Variants in DOK6 observed in about 807,000 individuals in gnomAD.
DOK6 encodes docking protein 6, also known as downstream of tyrosine kinase 6.
DOK6 carries 22 observed loss-of-function variants against 44.0 expected under a neutral mutation model. The observed-to-expected ratio is 0.50, with a 90% confidence interval of 0.36 to 0.71. DOK6 has a LOEUF of 0.71. Among genes scored for constraint, DOK6 ranks in the 30% least tolerant of loss-of-function variants. The pLI, the probability that DOK6 is intolerant of heterozygous loss-of-function variation, is 0.00. For missense variants in DOK6, 340 were observed against 416.4 expected (o/e 0.82, Z 1.60); for synonymous variants, 166 against 145.5 (o/e 1.14, Z -1.01).
chr18:69,699,351 T>C (rs1986460532), intron 5 of DOK6, among the ~76,000 whole-genome samples: 1 of 152,232 alleles, frequency 6.6e-6, no homozygotes, highest in South Asian at 2.1e-4. Context: ...GCATTTGATA[T>C]AATATTTTTA....
At chr18:69,603,640 G>A (rs1599216390) in intron 3 of DOK6, among the ~76,000 whole-genome samples, 1 of 151,962 alleles carries the variant, frequency 6.6e-6, no homozygotes, top group Non-Finnish European at 1.5e-5. Flanking sequence ...GTGTGGTGGC[G>A]GGCGCCTGTA....
intron 1 of DOK6, among the ~76,000 whole-genome samples, chr18:69,464,377 C>T (rs2122478916): frequency 6.6e-6 from 1 of 152,284 alleles, no homozygotes; most frequent in South Asian, 2.1e-4. Flanking sequence ...TATTAGGGTC[C>T]ACTTTCCTCT....
At chr18:69,673,133 G>A (rs1273474684) in intron 3 of DOK6, among the ~76,000 whole-genome samples, 1 of 152,048 alleles carries the variant, frequency 6.6e-6, no homozygotes, top group Non-Finnish European at 1.5e-5. Flanking sequence ...ACACAAAAAA[G>A]TCTTACTTGC....
At chr18:69,684,791 GA>G (rs1043950450) in intron 4 of DOK6, among the ~76,000 whole-genome samples, 6 of 152,154 alleles carry the variant, frequency 3.9e-5, no homozygotes, top group African/African-American at 1.4e-4. Flanking sequence ...TTGGAAGCCA[GA>G]GAGATTTAAG....
At chr18:69,421,979 C>T (rs998142056) in intron 1 of DOK6, among the ~76,000 whole-genome samples, 1 of 152,194 alleles carries the variant, frequency 6.6e-6, no homozygotes, top group Non-Finnish European at 1.5e-5. Context: ...CTTCCAGTTT[C>T]CCTTAAGTTT....
In DOK6 at chr18:69,652,584, G is replaced by A. The variant is rs185272381; in HGVS notation, c.290-25150G>A. 1.4e-3 allele frequency among the ~76,000 whole-genome samples: 219 copies of A among 152,222 alleles called. 2 individuals carry two copies. Among genetic ancestry groups the A allele is most frequent in the African/African-American group, 4.6e-3 (192 of 41,540 alleles). ...AACTCTAGAGATCCACCCACCACACGCCTCTAAGCTGCTTTTAAGCTGATT... is the reference window on the plus strand; with the variant it reads ...AACTCTAGAGATCCACCCACCACACACCTCTAAGCTGCTTTTAAGCTGATT... On this transcript the variant is annotated intron_variant, in intron 3 of 7. Coordinates refer to ENST00000382713, the MANE Select transcript of DOK6 (RefSeq NM_152721.6).
intron 5 of DOK6, among the ~76,000 whole-genome samples, chr18:69,726,042 G>T (rs1012173592): frequency 6.6e-6 from 1 of 152,172 alleles, no homozygotes; most frequent in African/African-American, 2.4e-5. Flanking sequence ...TCACCAGCCA[G>T]CAGCTTAAGT....
At chr18:69,649,132 G>A (rs1446359239) in intron 3 of DOK6, among the ~76,000 whole-genome samples, 4 of 152,176 alleles carry the variant, frequency 2.6e-5, no homozygotes, top group Admixed American at 1.3e-4. Context: ...AAGAACACAC[G>A]CAAACCTGAG....
intron 3 of DOK6, among the ~76,000 whole-genome samples, chr18:69,630,184 T>C (rs539158488): frequency 4.6e-5 from 7 of 152,254 alleles, no homozygotes; most frequent in African/African-American, 1.7e-4. Flanking sequence ...CCTGTACACA[T>C]AGTCACCTGG....
chr18:69,843,013 G>C lies in DOK6; in HGVS notation c.*1630G>C, dbSNP rs1982267875. ...CATCCCTATCTGTAGCTTGAGTGCA[G>C]ATTGACAATTCATTTCAGTGAATTA... is the stretch of plus-strand genomic sequence containing the variant. On this transcript the variant is annotated 3_prime_UTR_variant, in exon 8 of 8. Transcript: ENST00000382713. 6.6e-6 allele frequency: 1 copy of C among 152,074 alleles called. No individual in the cohort carries two copies. Among genetic ancestry groups the C allele is most frequent in the Admixed American group, 6.5e-5 (1 of 15,270 alleles). 9.4% of individuals were successfully genotyped at this position (152,074 alleles called of 1,614,324 possible). A position where few individuals can be genotyped will look rare whatever the true frequency, so the allele number is the denominator to read the frequency against.
chr18:69,652,190 A>C (rs1985247451), intron 3 of DOK6, among the ~76,000 whole-genome samples: 1 of 152,214 alleles, frequency 6.6e-6, no homozygotes, highest in South Asian at 2.1e-4. Context: ...AACAGAGAGG[A>C]TTAGGATGAC....
At chr18:69,706,687 C>T (rs1986643550) in intron 5 of DOK6, among the ~76,000 whole-genome samples, 1 of 126,494 alleles carries the variant, frequency 7.9e-6, no homozygotes, top group African/African-American at 3.0e-5. Flanking sequence ...TCCCCCCTCC[C>T]CCCACCCCAC....
At chr18:69,482,070 G>T (rs1980440772) in intron 1 of DOK6, among the ~76,000 whole-genome samples, 2 of 152,100 alleles carry the variant, frequency 1.3e-5, no homozygotes, top group African/African-American at 4.8e-5. Flanking sequence ...TGATGGGGTT[G>T]TTTGTTTTTT....
intron 3 of DOK6, among the ~76,000 whole-genome samples, chr18:69,675,366 A>G (rs1430676181): frequency 6.6e-6 from 1 of 152,218 alleles, no homozygotes; most frequent in Non-Finnish European, 1.5e-5. Flanking sequence ...GTGCTTTGAC[A>G]TATTTAACGT....
intron 1 of DOK6, among the ~76,000 whole-genome samples, chr18:69,484,481 A>G (rs1980517244): frequency 6.6e-6 from 1 of 152,176 alleles, no homozygotes; most frequent in African/African-American, 2.4e-5. Context: ...TATTTGTTCA[A>G]TGAATCAAAT....
intron 3 of DOK6, chr18:69,661,278 C>T (rs1985519440): frequency 6.6e-6 from 1 of 152,206 alleles, no homozygotes; most frequent in Admixed American, 6.6e-5. Flanking sequence ...CTGCAAAGGG[C>T]AAGGGATCTC....
At chr18:69,725,802 A>C (rs913484635) in intron 5 of DOK6, among the ~76,000 whole-genome samples, 1 of 152,184 alleles carries the variant, frequency 6.6e-6, no homozygotes, top group Non-Finnish European at 1.5e-5. Context: ...GTGTATTTAA[A>C]ATACTCAGTC....
chr18:69,684,676 T>G (rs1986112879), intron 4 of DOK6, among the ~76,000 whole-genome samples: 1 of 152,204 alleles, frequency 6.6e-6, no homozygotes, highest in Non-Finnish European at 1.5e-5. Flanking sequence ...TGACACGTGC[T>G]TATATCATCC....
intron 3 of DOK6, among the ~76,000 whole-genome samples, chr18:69,629,106 G>A (rs1467528240): frequency 6.6e-6 from 1 of 152,200 alleles, no homozygotes; most frequent in Non-Finnish European, 1.5e-5. Context: ...AATGTTGGGG[G>A]TTTGCCAGTT....
Sources: gnomAD v4.1 joint callset for allele counts (sites outside exome capture counted in the v4.1 genomes callset) on GRCh38, gnomAD v4.1.1 for gene constraint, MANE v1.5 for transcripts, NCBI Gene and HGNC (gene_info 2026-07-23, HGNC 2026-07-21) for gene names.